KDM4C: variants seen among roughly 807,000 people sequenced by gnomAD.
The protein encoded by KDM4C is lysine-specific demethylase 4C.
KDM4C carries 81 observed loss-of-function variants against 129.3 expected under a neutral mutation model. That is an observed-to-expected ratio of 0.63 (90% CI 0.52 to 0.75). KDM4C has a LOEUF of 0.75. KDM4C is among the 30% of genes least tolerant of loss of function. The pLI, the probability that KDM4C is intolerant of heterozygous loss-of-function variation, is 0.00. For missense variants in KDM4C, 1,457 were observed against 1,304.0 expected, an observed-to-expected ratio of 1.12 and a Z score of -1.81; for synonymous variants, 573 against 456.1, an observed-to-expected ratio of 1.26 and a Z score of -3.26.
At chr9:7,119,034 C>T (rs987260522) in intron 18 of KDM4C, among the ~76,000 whole-genome samples, 5 of 152,168 alleles carry the variant, frequency 3.3e-5, no homozygotes, top group Non-Finnish European at 7.4e-5. Flanking sequence ...GTCAAAAACT[C>T]AGTGGGGAGA....
chr9:6,868,747 C>A (rs867897942), intron 5 of KDM4C, among the ~76,000 whole-genome samples: 1 of 151,852 alleles, frequency 6.6e-6, no homozygotes, highest in Non-Finnish European at 1.5e-5. Flanking sequence ...GTGGGACTCT[C>A]GGTGTGGAGG....
chr9:6,967,421 TAAAA>T (rs35054106), intron 8 of KDM4C, among the ~76,000 whole-genome samples: 10 of 124,978 alleles, frequency 8.0e-5, no homozygotes, highest in Admixed American at 8.2e-5. Context: ...AAGCTTCCAC[TAAAA>T]AAAAAAAAAA....
At chr9:6,842,669 A>C (rs1280264471) in intron 4 of KDM4C, among the ~76,000 whole-genome samples, 2 of 152,026 alleles carry the variant, frequency 1.3e-5, no homozygotes, top group Admixed American at 1.3e-4. Flanking sequence ...GGTTAATGTC[A>C]CATAAAATTG....
At chr9:6,867,025 T>G (rs866854249) in intron 5 of KDM4C, among the ~76,000 whole-genome samples, 2 of 145,978 alleles carry the variant, frequency 1.4e-5, no homozygotes, top group African/African-American at 5.0e-5. Flanking sequence ...ATATTTTTTT[T>G]TTTTTTTGGA....
At chr9:6,847,910 A>G (rs1838148727) in intron 4 of KDM4C, among the ~76,000 whole-genome samples, 1 of 152,242 alleles carries the variant, frequency 6.6e-6, no homozygotes. Flanking sequence ...CACTGATTAG[A>G]AAATCATTTA....
intron 8 of KDM4C, among the ~76,000 whole-genome samples, chr9:6,935,203 C>G (rs1165711080): frequency 6.6e-6 from 1 of 151,542 alleles, no homozygotes; most frequent in Non-Finnish European, 1.5e-5. Flanking sequence ...TTATTTTTTC[C>G]TCTCTCATCA....
chr9:7,061,732 T>C (rs1212364833), intron 17 of KDM4C, among the ~76,000 whole-genome samples: 2 of 152,336 alleles, frequency 1.3e-5, no homozygotes, highest in East Asian at 3.9e-4. Flanking sequence ...CAGCAATGGC[T>C]AGTGTTCCAG....
rs534364339 is a variant in KDM4C, at chr9:6,948,691, C to G, written c.922-32234C>G. ...ATTAGGGAGTGGTGATGACTCTTAA[C>G]GAGCATGCTGCCTTCAAGCATCTTT... On this transcript the variant is annotated intron_variant, in intron 8 of 21. Coordinates refer to ENST00000381309, the MANE Select transcript of KDM4C (RefSeq NM_015061.6). Among the ~76,000 whole-genome samples the G allele has an allele frequency of 3.2e-3, 483 of 151,850 alleles. 1 individual carries two copies. Among genetic ancestry groups the G allele is most frequent in the African/African-American group, 0.011 (448 of 41,430 alleles).
intron 12 of KDM4C, among the ~76,000 whole-genome samples, chr9:6,995,537 C>T (rs538638448): frequency 3.1e-4 from 47 of 152,306 alleles, no homozygotes; most frequent in African/African-American, 1.1e-3. Flanking sequence ...TCATCTTTAG[C>T]ACTCTTGGGA....
At chr9:6,982,950 C>T (rs530749177) in intron 9 of KDM4C, among the ~76,000 whole-genome samples, 1 of 152,296 alleles carries the variant, frequency 6.6e-6, no homozygotes, top group East Asian at 1.9e-4. Flanking sequence ...TTATTGATCT[C>T]CCTTTGGAAA....
At chr9:6,998,238 T>C (rs1820120465) in intron 12 of KDM4C, among the ~76,000 whole-genome samples, 1 of 152,196 alleles carries the variant, frequency 6.6e-6, no homozygotes, top group African/African-American at 2.4e-5. Flanking sequence ...GTAATTTATT[T>C]CTTGGGACGT....
At chr9:7,089,901 A>G (rs571658465) in intron 17 of KDM4C, among the ~76,000 whole-genome samples, 2 of 152,332 alleles carry the variant, frequency 1.3e-5, no homozygotes, top group Admixed American at 6.5e-5. Context: ...GGGATTTTGA[A>G]TGGCCGTCAG....
intron 2 of KDM4C, among the ~76,000 whole-genome samples, chr9:6,799,375 C>T (rs1828461000): frequency 6.6e-6 from 1 of 152,184 alleles, no homozygotes; most frequent in Non-Finnish European, 1.5e-5. Flanking sequence ...CCAGCCCGGC[C>T]AACACAGCGA....
intron 17 of KDM4C, among the ~76,000 whole-genome samples, chr9:7,067,070 A>T (rs975472138): frequency 2.6e-5 from 4 of 152,256 alleles, no homozygotes; most frequent in Admixed American, 2.0e-4. Flanking sequence ...TGAAGGAACC[A>T]GCAACACAAA....
intron 8 of KDM4C, among the ~76,000 whole-genome samples, chr9:6,904,406 AT>A (rs34938835): frequency 0.44 from 63,144 of 144,154 alleles, 13,748 homozygotes; most frequent in Middle Eastern, 0.59. Flanking sequence ...TTTGCAGTGG[AT>A]TTTTTTTTTT....
rs545611237 is a variant in KDM4C, at chr9:6,772,009, C to T, written c.-18+13806C>T. The stretch of plus-strand genomic sequence containing the variant: ...AGGCTTTCAGTGTGAACTTAACACT[C>T]CTGTGAAATGCAAATTTTGGAAACT... On this transcript the variant is annotated intron_variant, in intron 1 of 21. Coordinates refer to ENST00000381309, the MANE Select transcript of KDM4C (RefSeq NM_015061.6). Among the ~76,000 whole-genome samples the T allele has an allele frequency of 2.2e-4, 34 of 152,318 alleles. 1 individual carries two copies. In the South Asian group the frequency reaches 7.0e-3, roughly 32 times the overall value.
intron 8 of KDM4C, among the ~76,000 whole-genome samples, chr9:6,901,099 T>C (rs536105298): frequency 6.6e-6 from 1 of 152,022 alleles, no homozygotes; most frequent in Admixed American, 6.5e-5. Context: ...AAGGCAAAAG[T>C]TGGTAGTGTG....
intron 5 of KDM4C, among the ~76,000 whole-genome samples, chr9:6,871,431 A>G (rs1221669894): frequency 2.0e-5 from 3 of 152,196 alleles, no homozygotes; most frequent in Non-Finnish European, 4.4e-5. Context: ...AAAAATTTAT[A>G]AAAGACTTCA....
At chr9:6,772,838 G>C in intron 1 of KDM4C, among the ~76,000 whole-genome samples, 1 of 149,700 alleles carries the variant, frequency 6.7e-6, no homozygotes, top group Admixed American at 6.7e-5. Context: ...GATTACAGGT[G>C]CGTGCCACCC....
Sources: allele counts gnomAD v4.1 joint callset (sites outside exome capture counted in the v4.1 genomes callset), GRCh38; gene constraint gnomAD v4.1.1; transcripts MANE v1.5; gene names NCBI Gene and HGNC (gene_info 2026-07-23, HGNC 2026-07-21).